The following CPQ variants were observed in gnomAD, a reference collection of about 807,000 sequenced individuals.
CPQ encodes Ser-Met dipeptidase.
A neutral mutation model predicts 45.7 loss-of-function variants in CPQ; 37 were observed. The observed-to-expected ratio is 0.81, with a 90% CI of 0.62 to 1.07. The LOEUF is 1.07. Ranked by LOEUF, CPQ falls within the 50% of genes least tolerant of loss-of-function variation. CPQ has a pLI of 0.00. For synonymous variants in CPQ, 186 were observed against 205.8 expected (o/e 0.90, Z 0.82); for missense variants, 537 against 572.9 (o/e 0.94, Z 0.64).
chr8:96,679,999 A>G (rs1809128672), intron 1 of CPQ, among the ~76,000 whole-genome samples: 1 of 152,120 alleles, frequency 6.6e-6, no homozygotes, highest in Admixed American at 6.6e-5. Context: ...TCCCTGAAAT[A>G]CATCATTAAG....
chr8:96,900,782 G>A (rs1397798618), intron 4 of CPQ, among the ~76,000 whole-genome samples: 4 of 152,066 alleles, frequency 2.6e-5, no homozygotes, highest in Admixed American at 1.3e-4. Context: ...ACCTCCATGA[G>A]GTCCTGACTG....
chr8:96,952,481 A>G (rs539496972), intron 4 of CPQ, among the ~76,000 whole-genome samples: 1 of 152,258 alleles, frequency 6.6e-6, no homozygotes, highest in South Asian at 2.1e-4. Flanking sequence ...AGCTGTCAAG[A>G]AGGTTCTTAC....
chr8:96,856,884 A>G (rs923083861), intron 3 of CPQ, among the ~76,000 whole-genome samples: 6 of 152,234 alleles, frequency 3.9e-5, no homozygotes, highest in Non-Finnish European at 8.8e-5. Context: ...ACTAGGTCTT[A>G]TATTCTTCGT....
intron 3 of CPQ, among the ~76,000 whole-genome samples, chr8:96,840,971 A>G (rs747411206): frequency 6.6e-6 from 1 of 152,226 alleles, no homozygotes; most frequent in Admixed American, 6.5e-5. Context: ...CAGATTAGCC[A>G]TCAAATTCTT....
chr8:96,683,306 G>A (rs1809176339), intron 1 of CPQ, among the ~76,000 whole-genome samples: 1 of 151,970 alleles, frequency 6.6e-6, no homozygotes, highest in South Asian at 2.1e-4. Flanking sequence ...AGATGGCAGG[G>A]TTTTTTCTTT....
At chr8:96,690,111 A>G (rs770747476) in intron 1 of CPQ, among the ~76,000 whole-genome samples, 4 of 151,756 alleles carry the variant, frequency 2.6e-5, no homozygotes, top group Non-Finnish European at 4.4e-5. Context: ...TTGCATTTTT[A>G]ATTTATAGAG....
chr8:96,688,388 C>T (rs112413087), intron 1 of CPQ, among the ~76,000 whole-genome samples: 3,688 of 152,128 alleles, frequency 0.024, 165 homozygotes, highest in African/African-American at 0.084. Context: ...CTTTGAGGCC[C>T]ACCTCATTTT....
chr8:96,913,154 A>T (rs1304280390), intron 4 of CPQ, among the ~76,000 whole-genome samples: 2 of 152,208 alleles, frequency 1.3e-5, no homozygotes, highest in Non-Finnish European at 2.9e-5. Context: ...CTTTAATTCT[A>T]CTAAACATGC....
chr8:96,845,898 C>T (rs4735440), intron 3 of CPQ, among the ~76,000 whole-genome samples: 57,889 of 152,076 alleles, frequency 0.38, 11,651 homozygotes, highest in Non-Finnish European at 0.45. Context: ...CGGCTCACTG[C>T]AACCTCCGCC....
At chr8:97,047,175 T>C (rs6994621) in intron 6 of CPQ, among the ~76,000 whole-genome samples, 16,774 of 152,204 alleles carry the variant, frequency 0.11, 2,083 homozygotes, top group African/African-American at 0.31. Flanking sequence ...CCCTGGTGGT[T>C]GCCAGACCAT....
At chr8:96,875,074 A>G (rs933327140) in intron 3 of CPQ, among the ~76,000 whole-genome samples, 8 of 151,940 alleles carry the variant, frequency 5.3e-5, no homozygotes, top group African/African-American at 1.9e-4. Flanking sequence ...CATTTCCTTT[A>G]TAGCTAATCA....
intron 3 of CPQ, among the ~76,000 whole-genome samples, chr8:96,858,999 A>T (rs1237232160): frequency 2.0e-5 from 3 of 152,112 alleles, no homozygotes; most frequent in African/African-American, 7.2e-5. Flanking sequence ...TATTCTCTTG[A>T]GTGTCATTCA....
intron 6 of CPQ, among the ~76,000 whole-genome samples, chr8:97,051,418 A>G (rs998581186): frequency 6.6e-5 from 10 of 152,236 alleles, no homozygotes; most frequent in Non-Finnish European, 1.2e-4. Flanking sequence ...CTATGATATC[A>G]AAGTAATGAT....
intron 6 of CPQ, among the ~76,000 whole-genome samples, chr8:97,038,119 G>A (rs1379200912): frequency 6.6e-6 from 1 of 152,182 alleles, no homozygotes; most frequent in Non-Finnish European, 1.5e-5. Flanking sequence ...AGTTTGACTT[G>A]AGTGTTGGTT....
intron 7 of CPQ, among the ~76,000 whole-genome samples, chr8:97,108,516 C>T (rs891800120): frequency 2.0e-5 from 3 of 152,110 alleles, no homozygotes; most frequent in Admixed American, 6.5e-5. Flanking sequence ...TGTCAAAACA[C>T]GCAATTTCTT....
chr8:96,676,209 A>G (rs962375646), intron 1 of CPQ, among the ~76,000 whole-genome samples: 1 of 152,018 alleles, frequency 6.6e-6, no homozygotes, highest in Admixed American at 6.6e-5. Flanking sequence ...CAACACTAGG[A>G]CTTATTCCTT....
At position 96,664,989 on chromosome 8, in the gene CPQ, T is replaced by A. The variant is rs938754914; in HGVS notation, c.-35+19587T>A. On this transcript the variant is annotated intron_variant, in intron 1 of 7. Transcript: ENST00000220763. ...GACAGCAATGCTTCCCTTGAAAAGC[T>A]TTAAGTCTAGTGATATGCTCTGGAT... Among the ~76,000 whole-genome samples the A allele has an allele frequency of 4.6e-5, 7 of 152,178 alleles. No homozygotes were observed. The East Asian group carries it at 1.2e-3, about 25-fold the overall frequency.
intron 3 of CPQ, among the ~76,000 whole-genome samples, chr8:96,848,897 A>G (rs1348530129): frequency 6.6e-6 from 1 of 152,196 alleles, no homozygotes; most frequent in Non-Finnish European, 1.5e-5. Context: ...AGAAATTTCA[A>G]TCTTTTCTCA....
In CPQ at chr8:96,780,127, G is replaced by A. The variant is rs1329996039; in HGVS notation, c.-34-4737G>A. Among the ~76,000 whole-genome samples, 7 of 152,124 alleles carry A rather than the reference G, an allele frequency of 4.6e-5. No homozygotes were observed. In the South Asian group the frequency reaches 6.2e-4, roughly 13 times the overall value. On this transcript the variant is annotated intron_variant, in intron 1 of 7. Transcript: ENST00000220763. ...GTGCCTGTATTTGAGTATAACAATT[G>A]AAGGTGCAGTGGTGAATAATTTACC...
Sources: gnomAD v4.1 joint callset for allele counts (sites outside exome capture counted in the v4.1 genomes callset) on GRCh38, gnomAD v4.1.1 for gene constraint, MANE v1.5 for transcripts, NCBI Gene and HGNC (gene_info 2026-07-23, HGNC 2026-07-21) for gene names.